GRIP2: variants seen among roughly 807,000 people sequenced by gnomAD.
GRIP2 encodes the protein glutamate receptor interacting protein 2.
Under a neutral mutation model 108.3 loss-of-function variants are expected in GRIP2, and 58 were observed. The ratio of observed to expected loss-of-function variants is 0.54; its 90% CI spans 0.43 to 0.67. The LOEUF (loss-of-function observed/expected upper bound fraction) is 0.67. GRIP2 is among the 30% of genes least tolerant of loss of function. The pLI is 0.00. For synonymous variants in GRIP2, 586 were observed against 598.2 expected, an observed-to-expected ratio of 0.98 and a Z score of 0.30; for missense variants, 1,278 against 1,430.6, an observed-to-expected ratio of 0.89 and a Z score of 1.72.
chr3:14,573,912 C>G, the GRIP2 span: 1 of 1,136,462 alleles, frequency 8.8e-7, no homozygotes, highest in Non-Finnish European at 1.3e-6. Flanking sequence ...GTTGTGCATG[C>G]AGCAGGCCGA....
In GRIP2 at chr3:14,507,796, G is replaced by A; in HGVS notation, c.2079-96C>T. 1.4e-6 allele frequency: 2 copies of A among 1,439,982 alleles called. No homozygotes were observed. Among genetic ancestry groups the A allele is most frequent in the Non-Finnish European group, 1.9e-6 (2 of 1,045,784 alleles). 89.2% of individuals were successfully genotyped at this position (1,439,982 alleles called of 1,614,324 possible). ...GGGAATCCAGGAGAGCCACAAAGCA[G>A]AAGTCTGGCTGACCCCAGTTAAACC... On this transcript the variant is annotated intron_variant, in intron 17 of 23. Transcript: ENST00000621039. The surrounding 1 kb of genome is among the most constrained non-coding windows in gnomAD (Gnocchi z 4.6).
At chr3:14,524,203 C>G in intron 4 of GRIP2, 190 bp downstream of exon 4, 1 of 621,106 alleles carries the variant, frequency 1.6e-6, no homozygotes, top group East Asian at 2.8e-5. Flanking sequence ...AGAGTCCCAC[C>G]ACCTCCTGGT....
chr3:14,555,391 C>T (rs1349314038), intron 1 of GRIP2, among the ~76,000 whole-genome samples: 6 of 85,094 alleles, frequency 7.1e-5, no homozygotes, highest in Non-Finnish European at 1.7e-4. Flanking sequence ...GGGGTGGGGG[C>T]GGGGGCGATG....
Position 14,493,501 on chromosome 3 carries a change from A to C in GRIP2, c.*164T>G. On this transcript the variant is annotated 3_prime_UTR_variant, in exon 24 of 24. Transcript: ENST00000621039. ...GCAGGACCTCCCTGCCTGGCACCCCAGTCACCACAGACCTGGGGAACAGAG... is the reference window on the plus strand; with the variant it reads ...GCAGGACCTCCCTGCCTGGCACCCCCGTCACCACAGACCTGGGGAACAGAG... 1.2e-6 allele frequency: 1 copy of C among 850,882 alleles called. No homozygotes were observed. The highest frequency in any genetic ancestry group is 2.9e-5 in the East Asian group (1 of 34,432). 52.7% of individuals were successfully genotyped at this position (850,882 alleles called of 1,614,324 possible). A position where few individuals can be genotyped will look rare whatever the true frequency, so the allele number is the denominator to read the frequency against.
At chr3:14,582,907 C>T in the GRIP2 span, among the ~76,000 whole-genome samples, 954 of 152,338 alleles carry the variant, frequency 6.3e-3, 6 homozygotes, top group African/African-American at 0.018. Context: ...ACCACTGGGT[C>T]CTGAGGGCCT....
chr3:14,588,034 T>C, the GRIP2 span, among the ~76,000 whole-genome samples: 2 of 152,204 alleles, frequency 1.3e-5, no homozygotes, highest in Non-Finnish European at 2.9e-5. Context: ...AATTAAACTG[T>C]GATAGAAGAT....
exon 1 of GRIP2, chr3:14,555,912 G>A (rs956911284): frequency 3.8e-5 from 15 of 399,520 alleles, no homozygotes; most frequent in Non-Finnish European, 5.7e-5. Context: ...TTGAGACGCC[G>A]CCTCACCACG....
the GRIP2 span, among the ~76,000 whole-genome samples, chr3:14,580,869 G>C: frequency 1.3e-5 from 2 of 152,202 alleles, no homozygotes; most frequent in African/African-American, 4.8e-5. Context: ...CCACAATGTG[G>C]GTTGGCCTGA....
chr3:14,594,157 C>T, the GRIP2 span, among the ~76,000 whole-genome samples: 1 of 152,210 alleles, frequency 6.6e-6, no homozygotes, highest in East Asian at 1.9e-4. Flanking sequence ...GCTCTGAGCC[C>T]TCCCAGGACA....
intron 1 of GRIP2, among the ~76,000 whole-genome samples, chr3:14,532,415 G>C (rs1694732061): frequency 6.6e-6 from 1 of 152,110 alleles, no homozygotes; most frequent in African/African-American, 2.4e-5. Context: ...AGGTTTCTCA[G>C]CCTTCGCACT....
At chr3:14,581,246 C>T in the GRIP2 span, among the ~76,000 whole-genome samples, 1 of 152,232 alleles carries the variant, frequency 6.6e-6, no homozygotes, top group Non-Finnish European at 1.5e-5. Context: ...GAGGCTCCCA[C>T]AGTGGACATC....
the GRIP2 span, among the ~76,000 whole-genome samples, chr3:14,580,099 A>T: frequency 1.3e-5 from 2 of 152,220 alleles, no homozygotes; most frequent in Non-Finnish European, 2.9e-5. Context: ...CCAACACAGG[A>T]CTTCATGTTG....
upstream of GRIP2, among the ~76,000 whole-genome samples, chr3:14,558,922 T>C (rs956803992): frequency 3.3e-5 from 5 of 152,224 alleles, no homozygotes; most frequent in Non-Finnish European, 7.4e-5. Context: ...ACCTGCCACC[T>C]ACGGCTGTCC....
chr3:14,521,620 C>T lies in GRIP2; in HGVS notation c.712+22G>A, dbSNP rs1469281523. 2.5e-6 allele frequency: 4 copies of T among 1,588,434 alleles called. No homozygotes were observed. Among genetic ancestry groups the T allele is most frequent in the Non-Finnish European group, 8.6e-7 (1 of 1,165,108 alleles). On this transcript the variant is annotated intron_variant, in intron 7 of 23. Transcript: ENST00000621039. This position sits in a 1 kb window ranked among gnomAD's most constrained non-coding sequence, Gnocchi z 5.1. The stretch of plus-strand genomic sequence containing the variant: ...CCAGGCCTCCTCCTGCCCCAACCCA[C>T]ACACTCAGGCCCCCAACTCACCAGG...
chr3:14,523,820 C>A lies in GRIP2; in HGVS notation c.404-122G>T. The A allele has an allele frequency of 5.7e-6, 4 of 707,562 alleles. No homozygotes were observed. The South Asian group carries it at 6.5e-5, about 12-fold the overall frequency. 43.8% of individuals were successfully genotyped at this position (707,562 alleles called of 1,614,324 possible). A position where few individuals can be genotyped will look rare whatever the true frequency, so the allele number is the denominator to read the frequency against. ...CACAGAGATTACAGGGAGGGTAAACCCTTGCCCATTTTACAGGTCGAACAA... is the reference window on the plus strand; with the variant it reads ...CACAGAGATTACAGGGAGGGTAAACACTTGCCCATTTTACAGGTCGAACAA... On this transcript the variant is annotated intron_variant, in intron 4 of 23. Transcript: ENST00000621039.
chr3:14,560,383 C>T (rs922309033), upstream of GRIP2, among the ~76,000 whole-genome samples: 1 of 152,208 alleles, frequency 6.6e-6, no homozygotes, highest in Non-Finnish European at 1.5e-5. Flanking sequence ...CCAGCAATGT[C>T]ACCCCCATTT....
chr3:14,513,896 C>T (rs1694172509), intron 12 of GRIP2, 86 bp from the exon 13 acceptor site: 6 of 1,485,468 alleles, frequency 4.0e-6, no homozygotes, highest in Non-Finnish European at 4.6e-6. Flanking sequence ...AGGACTGAAC[C>T]TGGGTCACAC....
intron 21 of GRIP2, among the ~76,000 whole-genome samples, chr3:14,500,726 C>A (rs1693741867): frequency 6.6e-6 from 1 of 152,030 alleles, no homozygotes; most frequent in African/African-American, 2.4e-5. Context: ...AGTTTACCAC[C>A]TAAAGGCCCT....
chr3:14,529,440 A>C (rs1345992480), intron 1 of GRIP2, among the ~76,000 whole-genome samples: 1 of 152,204 alleles, frequency 6.6e-6, no homozygotes, highest in African/African-American at 2.4e-5. Context: ...ATGCAATTTC[A>C]CCTTTAAATA....
Sources: gnomAD v4.1 joint callset for allele counts (sites outside exome capture counted in the v4.1 genomes callset) on GRCh38, gnomAD v4.1.1 for gene constraint, Gnocchi (gnomAD v3.1) non-coding constraint, MANE v1.5 for transcripts, NCBI Gene and HGNC (gene_info 2026-07-23, HGNC 2026-07-21) for gene names.